Variants in NBAS observed in about 807,000 individuals in gnomAD.
The protein encoded by NBAS is NAG/BC035112 fusion.
A neutral mutation model predicts 302.5 loss-of-function variants in NBAS; 219 were observed. That is an observed-to-expected ratio of 0.72 (90% CI 0.65 to 0.81). NBAS has a LOEUF of 0.81. NBAS is among the 30% of genes least tolerant of loss of function. NBAS has a pLI of 0.00. For synonymous variants in NBAS, 1,118 were observed against 1,021.6 expected (o/e 1.09, Z -1.80); for missense variants, 2,932 against 2,841.6 (o/e 1.03, Z -0.72).
At chr2:14,838,489 A>C in the NBAS span, among the ~76,000 whole-genome samples, 1 of 151,936 alleles carries the variant, frequency 6.6e-6, no homozygotes, top group African/African-American at 2.4e-5. Flanking sequence ...TATATATGCT[A>C]AGCATCACTA....
chr2:15,209,031 T>C (rs531952266), intron 48 of NBAS, among the ~76,000 whole-genome samples: 17 of 151,576 alleles, frequency 1.1e-4, no homozygotes, highest in African/African-American at 3.9e-4. Context: ...TTTTAAAAGA[T>C]AAAACTGACA....
chr2:15,263,079 C>T (rs939896589), intron 44 of NBAS, among the ~76,000 whole-genome samples: 1 of 152,210 alleles, frequency 6.6e-6, no homozygotes, highest in East Asian at 1.9e-4. Context: ...AGAGGCTTCA[C>T]AATGAAATTT....
the NBAS span, among the ~76,000 whole-genome samples, chr2:14,806,080 T>C: frequency 6.6e-6 from 1 of 152,162 alleles, no homozygotes; most frequent in South Asian, 2.1e-4. Flanking sequence ...TGCATCAGAA[T>C]CTCCTGGGGA....
chr2:15,311,417 ACCACAGG>A (rs1671270167), intron 38 of NBAS, among the ~76,000 whole-genome samples: 3 of 152,192 alleles, frequency 2.0e-5, no homozygotes, highest in East Asian at 3.9e-4. Flanking sequence ...CCCTCTATAA[ACCACAGG>A]CTTGAGTAAG....
chr2:14,998,171 C>T, the NBAS span, among the ~76,000 whole-genome samples: 1 of 152,192 alleles, frequency 6.6e-6, no homozygotes, highest in Non-Finnish European at 1.5e-5. Context: ...TGAGCCTATT[C>T]CCTTTCTTCT....
At chr2:15,156,148 G>A in the NBAS span, among the ~76,000 whole-genome samples, 2 of 152,122 alleles carry the variant, frequency 1.3e-5, no homozygotes, top group South Asian at 2.1e-4. Flanking sequence ...GCCTAGGTAA[G>A]AGAAGGCTGT....
At position 15,528,903 on chromosome 2, in the gene NBAS, G is replaced by GTA. The variant is rs1406917459; in HGVS notation, c.746+5638_746+5639dup. ...AATATATATATATATATATATGTGT[G>GTA]TATATATATATACACACACACATAT... is the stretch of plus-strand genomic sequence containing the variant. On this transcript the variant is annotated intron_variant, in intron 9 of 51. Transcript: ENST00000281513. Among the ~76,000 whole-genome samples, 57 of 141,854 alleles carry GTA rather than the reference G, an allele frequency of 4.0e-4. 1 individual carries two copies. The South Asian group carries it at 9.7e-3, about 24-fold the overall frequency. 93.1% of individuals were successfully genotyped at this position (141,854 alleles called of 152,430 possible).
chr2:14,878,709 C>A, the NBAS span, among the ~76,000 whole-genome samples: 2 of 152,294 alleles, frequency 1.3e-5, no homozygotes, highest in East Asian at 3.9e-4. Flanking sequence ...GCAGTTCCCA[C>A]ATACTCCCTG....
the NBAS span, among the ~76,000 whole-genome samples, chr2:15,052,448 G>T: frequency 2.6e-5 from 4 of 152,132 alleles, no homozygotes; most frequent in African/African-American, 9.7e-5. Context: ...AACACTCCAC[G>T]GTATAGGCTG....
chr2:15,510,378 C>T (rs989199039), intron 10 of NBAS, among the ~76,000 whole-genome samples: 1 of 152,164 alleles, frequency 6.6e-6, no homozygotes, highest in South Asian at 2.1e-4. Context: ...AAAAGTTCCA[C>T]CTATTATCTC....
At chr2:15,383,004 T>C (rs1386235581) in intron 29 of NBAS, among the ~76,000 whole-genome samples, 1 of 152,038 alleles carries the variant, frequency 6.6e-6, no homozygotes, top group Admixed American at 6.6e-5. Flanking sequence ...ATGATTAACC[T>C]ACTAAACAGA....
At chr2:15,348,594 A>G (rs147388386) in intron 35 of NBAS, among the ~76,000 whole-genome samples, 44 of 152,310 alleles carry the variant, frequency 2.9e-4, no homozygotes, top group African/African-American at 1.1e-3. Flanking sequence ...AACACATTGC[A>G]ATTCCATGCT....
chr2:15,167,508 C>T (rs1664087039), intron 51 of NBAS, among the ~76,000 whole-genome samples, 185 bp from the exon 52 acceptor site: 1 of 152,156 alleles, frequency 6.6e-6, no homozygotes, highest in Non-Finnish European at 1.5e-5. Flanking sequence ...CGGGGCTCCT[C>T]TTAACATAAG....
chr2:15,287,232 G>T, intron 41 of NBAS, 49 bp from the exon 42 acceptor site: 1 of 1,466,582 alleles, frequency 6.8e-7, no homozygotes, highest in South Asian at 1.1e-5. Context: ...AGAAACACAT[G>T]ACTTCAATCA....
chr2:14,955,493 C>T, the NBAS span, among the ~76,000 whole-genome samples: 1 of 152,238 alleles, frequency 6.6e-6, no homozygotes, highest in Non-Finnish European at 1.5e-5. Context: ...CTCCACATTT[C>T]CCTTCCACAC....
chr2:15,178,624 G>A (rs1481853331), intron 51 of NBAS, among the ~76,000 whole-genome samples: 1 of 152,194 alleles, frequency 6.6e-6, no homozygotes, highest in East Asian at 1.9e-4. Flanking sequence ...TGGAAAACCT[G>A]TGCAATGATG....
At chr2:15,137,295 T>G in the NBAS span, among the ~76,000 whole-genome samples, 454 of 152,326 alleles carry the variant, frequency 3.0e-3, 4 homozygotes, top group African/African-American at 0.01. Flanking sequence ...TTTAGTATAT[T>G]ATTAATCTAG....
chr2:15,236,609 A>G (rs1265016942), intron 45 of NBAS, among the ~76,000 whole-genome samples: 2 of 150,344 alleles, frequency 1.3e-5, no homozygotes, highest in African/African-American at 2.4e-5. Flanking sequence ...TTAATATAGT[A>G]TATTAAAAAA....
Position 15,276,842 on chromosome 2 carries a change from C to A in NBAS, c.5389+9G>T. On this transcript the variant is annotated intron_variant, in intron 43 of 51. Transcript: ENST00000281513. ...AGAATGAATTCAAGCAGGGAAACAA[C>A]CATCCTACCTGATGCAACAACCTTA... 2 of 1,613,972 alleles carry A rather than the reference C, an allele frequency of 1.2e-6. No homozygotes were observed. The highest frequency in any genetic ancestry group is 1.7e-6 in the Non-Finnish European group (2 of 1,179,880).
Sources: gnomAD v4.1 joint callset for allele counts (sites outside exome capture counted in the v4.1 genomes callset) on GRCh38, gnomAD v4.1.1 for gene constraint, MANE v1.5 for transcripts, NCBI Gene and HGNC (gene_info 2026-07-23, HGNC 2026-07-21) for gene names.